ACSS3: variants seen among roughly 807,000 people sequenced by gnomAD.
ACSS3 encodes acyl-CoA synthetase short-chain family member 3, mitochondrial.
In ACSS3, 64 loss-of-function variants were observed where a neutral mutation model predicts 84.2. The ratio of observed to expected loss-of-function variants is 0.76; its 90% CI spans 0.62 to 0.94. The LOEUF (loss-of-function observed/expected upper bound fraction) is 0.94, where lower values mean the gene tolerates loss of function less well. Ranked by LOEUF, ACSS3 falls within the 40% of genes least tolerant of loss-of-function variation. The probability of loss-of-function intolerance (pLI) is 0.00; values close to 1 mark genes in which losing one functional copy is unlikely to be tolerated. For missense variants in ACSS3, 815 were observed against 867.6 expected (o/e 0.94, Z 0.76); for synonymous variants, 317 against 310.1 (o/e 1.02, Z -0.23).
At chr12:81,142,970 T>G in intron 4 of ACSS3, 137 bp from the exon 5 acceptor site, 1 of 786,294 alleles carries the variant, frequency 1.3e-6, no homozygotes, top group East Asian at 3.2e-5. Flanking sequence ...AACTTTTTAG[T>G]CATAAATCTG....
chr12:81,170,781 C>T (rs2029976159), intron 7 of ACSS3, among the ~76,000 whole-genome samples: 1 of 152,050 alleles, frequency 6.6e-6, no homozygotes, highest in African/African-American at 2.4e-5. Flanking sequence ...TTTCTTTAGG[C>T]AGTTCAGTAT....
chr12:81,115,846 A>C (rs1400522422), intron 2 of ACSS3, among the ~76,000 whole-genome samples: 1 of 152,104 alleles, frequency 6.6e-6, no homozygotes, highest in Non-Finnish European at 1.5e-5. Context: ...AAAATAATTA[A>C]TGTTAAGGTC....
intron 8 of ACSS3, among the ~76,000 whole-genome samples, chr12:81,176,109 CT>C (rs2030455774): frequency 6.6e-6 from 1 of 152,044 alleles, no homozygotes; most frequent in Non-Finnish European, 1.5e-5. Flanking sequence ...ACTAGCTAGA[CT>C]ATTTAAAAAA....
chr12:81,167,663 C>T (rs2135800712), intron 7 of ACSS3, among the ~76,000 whole-genome samples: 1 of 152,322 alleles, frequency 6.6e-6, no homozygotes, highest in East Asian at 1.9e-4. Context: ...TTTGTCCATT[C>T]ATGAAAGCAG....
intron 2 of ACSS3, among the ~76,000 whole-genome samples, chr12:81,118,508 C>T (rs1290073672): frequency 1.3e-5 from 2 of 152,140 alleles, no homozygotes; most frequent in Non-Finnish European, 2.9e-5. Flanking sequence ...CCCATTTGGC[C>T]ATCAGCTGCT....
chr12:81,085,923 T>C (rs1041305366), intron 1 of ACSS3, among the ~76,000 whole-genome samples: 33 of 152,112 alleles, frequency 2.2e-4, no homozygotes, highest in Admixed American at 6.5e-5. Context: ...AGTAAATGTT[T>C]CAAAGGGAAA....
chr12:81,225,063 C>T (rs2033227321), intron 11 of ACSS3, among the ~76,000 whole-genome samples: 1 of 151,416 alleles, frequency 6.6e-6, no homozygotes, highest in African/African-American at 2.4e-5. Context: ...ATAGGAAAAA[C>T]CTTATTATAT....
At chr12:81,198,603 A>G (rs1443171355) in intron 8 of ACSS3, among the ~76,000 whole-genome samples, 1 of 151,606 alleles carries the variant, frequency 6.6e-6, no homozygotes, top group African/African-American at 2.4e-5. Flanking sequence ...GAAAAAAAAA[A>G]AACCCATAAA....
intron 7 of ACSS3, among the ~76,000 whole-genome samples, chr12:81,154,103 T>C (rs1886750812): frequency 1.3e-5 from 2 of 152,236 alleles, no homozygotes; most frequent in African/African-American, 4.8e-5. Context: ...TTTTGTACCA[T>C]TGTCTTTGCA....
chr12:81,142,097 G>A (rs1886122158), intron 4 of ACSS3, among the ~76,000 whole-genome samples: 1 of 152,148 alleles, frequency 6.6e-6, no homozygotes, highest in East Asian at 1.9e-4. Context: ...AAATGGAAGT[G>A]GCTTGTCTTT....
At chr12:81,095,224 G>A (rs992233037) in intron 1 of ACSS3, among the ~76,000 whole-genome samples, 1 of 152,118 alleles carries the variant, frequency 6.6e-6, no homozygotes, top group African/African-American at 2.4e-5. Flanking sequence ...TGACATTTCT[G>A]AATTGGTTGA....
At chr12:81,086,888 A>G (rs1207095626) in intron 1 of ACSS3, among the ~76,000 whole-genome samples, 1 of 152,222 alleles carries the variant, frequency 6.6e-6, no homozygotes, top group African/African-American at 2.4e-5. Context: ...TCTAAATTAC[A>G]GTTTCAAGTA....
At chr12:81,225,883 A>G (rs1300416571) in intron 11 of ACSS3, among the ~76,000 whole-genome samples, 2 of 151,898 alleles carry the variant, frequency 1.3e-5, no homozygotes, top group Non-Finnish European at 2.9e-5. Context: ...AAGGCAATTG[A>G]ATAATTCCTC....
At chr12:81,169,035 A>AATCAGAATCTC (rs1213802446) in intron 7 of ACSS3, among the ~76,000 whole-genome samples, 2 of 152,192 alleles carry the variant, frequency 1.3e-5, no homozygotes, top group African/African-American at 4.8e-5. Context: ...AGGCCAATTG[A>AATCAGAATCTC]ATCAGAATCT....
chr12:81,109,610 T>G lies in ACSS3; in HGVS notation c.362T>G (p.Ile121Ser). 2 of 1,612,784 alleles carry G rather than the reference T, an allele frequency of 1.2e-6. No homozygotes were observed. The highest frequency in any genetic ancestry group is 1.7e-6 in the Non-Finnish European group (2 of 1,179,344). The change falls in exon 2 of 16, where the codon ATT becomes AGT. Residue 121 changes from isoleucine to serine, a missense_variant. Physicochemically the swap from Ile to Ser is moderately radical, Grantham distance 142 (BLOSUM62 -2). Coordinates refer to ENST00000548058, the MANE Select transcript of ACSS3 (RefSeq NM_024560.4). ...TGTTACAATGCCGTTGATCGTCATA[T>G]TGAAAATGGTAAAGGGGATAAGATT... ...NICYNAVDRH[I>S]ENGKGDKIAI...
At chr12:81,252,591 A>G (rs943819842) in intron 13 of ACSS3, among the ~76,000 whole-genome samples, 1 of 152,114 alleles carries the variant, frequency 6.6e-6, no homozygotes, top group Non-Finnish European at 1.5e-5. Context: ...CATTTTTAAA[A>G]GTCCCGTCAC....
intron 7 of ACSS3, among the ~76,000 whole-genome samples, chr12:81,166,441 TC>T (rs1475954047): frequency 1.3e-5 from 2 of 152,158 alleles, no homozygotes; most frequent in Non-Finnish European, 2.9e-5. Context: ...TAAGATTTGA[TC>T]AAGTTACCAG....
At chr12:81,135,948 T>C (rs1885776709) in intron 3 of ACSS3, among the ~76,000 whole-genome samples, 1 of 152,132 alleles carries the variant, frequency 6.6e-6, no homozygotes, top group African/African-American at 2.4e-5. Context: ...GTATAAGACA[T>C]ACAAGAAAAG....
At chr12:81,150,577 G>A (rs1165202137) in intron 5 of ACSS3, among the ~76,000 whole-genome samples, 1 of 152,176 alleles carries the variant, frequency 6.6e-6, no homozygotes, top group East Asian at 1.9e-4. Flanking sequence ...GATCAACAGG[G>A]CCAGCTGCAT....
Sources: gnomAD v4.1 joint callset for allele counts (sites outside exome capture counted in the v4.1 genomes callset) on GRCh38, gnomAD v4.1.1 for gene constraint, MANE v1.5 for transcripts, NCBI Gene and HGNC (gene_info 2026-07-23, HGNC 2026-07-21) for gene names.